The following DIP2C variants were observed in gnomAD, a reference collection of about 807,000 sequenced individuals.
The protein encoded by DIP2C is DIP2 acetate--CoA ligase C (putative).
A neutral mutation model predicts 192.4 loss-of-function variants in DIP2C; 33 were observed. The ratio of observed to expected loss-of-function variants is 0.17; its 90% CI spans 0.13 to 0.23. The LOEUF (loss-of-function observed/expected upper bound fraction) is 0.23, where lower values mean the gene tolerates loss of function less well. Ranked by LOEUF, DIP2C falls within the 10% of genes least tolerant of loss-of-function variation. The probability of loss-of-function intolerance (pLI) is 1.00; values close to 1 mark genes in which losing one functional copy is unlikely to be tolerated. For missense variants in DIP2C, 1,537 were observed against 2,110.1 expected (o/e 0.73, Z 5.32); for synonymous variants, 979 against 864.1 (o/e 1.13, Z -2.33).
chr10:437,305 CCTGAGCT>C (rs1197249188), intron 4 of DIP2C, among the ~76,000 whole-genome samples: 12 of 148,148 alleles, frequency 8.1e-5, no homozygotes, highest in Non-Finnish European at 1.6e-4. Context: ...TCCACCCACA[CCTGAGCT>C]CTGAGCTCCA....
intron 19 of DIP2C, among the ~76,000 whole-genome samples, chr10:365,560 A>G (rs755617815): frequency 6.6e-6 from 1 of 152,216 alleles, no homozygotes; most frequent in East Asian, 1.9e-4. Flanking sequence ...AGTTCTAAAC[A>G]TTTAGGAAAT....
chr10:608,917 T>C (rs1852867664), intron 1 of DIP2C, among the ~76,000 whole-genome samples: 1 of 151,452 alleles, frequency 6.6e-6, no homozygotes, highest in African/African-American at 2.4e-5. Context: ...TTACAGTGAT[T>C]TGACTAATAT....
intron 8 of DIP2C, among the ~76,000 whole-genome samples, chr10:409,327 A>T (rs888346501): frequency 1.6e-4 from 25 of 152,268 alleles, no homozygotes; most frequent in African/African-American, 5.8e-4. Context: ...GGGGGCGCGG[A>T]CAGTGCACAC....
intron 1 of DIP2C, among the ~76,000 whole-genome samples, chr10:514,983 T>G (rs181512888): frequency 6.6e-6 from 1 of 152,182 alleles, no homozygotes; most frequent in Non-Finnish European, 1.5e-5. Context: ...CTAAAAACAA[T>G]TTTTACGTCC....
At chr10:358,021 C>T in intron 22 of DIP2C, 84 bp from the exon 23 acceptor site, 1 of 1,013,330 alleles carries the variant, frequency 9.9e-7, no homozygotes, top group Non-Finnish European at 1.5e-6. Flanking sequence ...AAAGACCTTA[C>T]TCTCGGAAAA....
intron 1 of DIP2C, among the ~76,000 whole-genome samples, chr10:489,872 T>C (rs2133577888): frequency 1.4e-5 from 1 of 71,052 alleles, no homozygotes; most frequent in East Asian, 4.4e-4. Context: ...GCCCGGGGCT[T>C]CCTCCATTTC....
chr10:597,372 G>C (rs1037563901), intron 1 of DIP2C, among the ~76,000 whole-genome samples: 1 of 152,082 alleles, frequency 6.6e-6, no homozygotes, highest in African/African-American at 2.4e-5. Flanking sequence ...GGCTGGCTCT[G>C]TCTCTCTGGA....
At chr10:644,263 AG>A (rs1855345710) in intron 1 of DIP2C, among the ~76,000 whole-genome samples, 1 of 152,214 alleles carries the variant, frequency 6.6e-6, no homozygotes, top group Non-Finnish European at 1.5e-5. Flanking sequence ...AGGCTGCAGG[AG>A]GCTTGCAGAG....
At chr10:488,437 G>A (rs1035589326) in intron 1 of DIP2C, among the ~76,000 whole-genome samples, 1 of 152,172 alleles carries the variant, frequency 6.6e-6, no homozygotes, top group African/African-American at 2.4e-5. Flanking sequence ...AGGCACAAAT[G>A]GTACTCACGT....
At chr10:499,167 G>A (rs1246378203) in intron 1 of DIP2C, among the ~76,000 whole-genome samples, 13 of 152,172 alleles carry the variant, frequency 8.5e-5, no homozygotes, top group Non-Finnish European at 1.9e-4. Flanking sequence ...CACCACACGC[G>A]ATGCTGACTG....
intron 31 of DIP2C, among the ~76,000 whole-genome samples, chr10:325,201 C>T (rs892126394): frequency 3.9e-5 from 6 of 151,962 alleles, no homozygotes; most frequent in African/African-American, 1.5e-4. Context: ...GCAGGTGGAG[C>T]TTGCAGTGAG....
At chr10:402,803 T>C (rs1377220501) in intron 9 of DIP2C, among the ~76,000 whole-genome samples, 1 of 14,072 alleles carries the variant, frequency 7.1e-5, no homozygotes, top group African/African-American at 7.6e-5. Context: ...TGATTTTACA[T>C]GTGTGGTAGC....
intron 1 of DIP2C, among the ~76,000 whole-genome samples, chr10:626,097 C>T (rs1854183120): frequency 6.6e-6 from 1 of 152,210 alleles, no homozygotes; most frequent in African/African-American, 2.4e-5. Context: ...AAGCAAGATC[C>T]ACTTCGTCCA....
intron 1 of DIP2C, among the ~76,000 whole-genome samples, chr10:578,119 C>T (rs904782371): frequency 1.3e-5 from 2 of 152,176 alleles, no homozygotes; most frequent in South Asian, 2.1e-4. Flanking sequence ...CCTGTTTACT[C>T]GAAAGCTCTC....
At chr10:283,683 G>A (rs1015890949) in intron 34 of DIP2C, among the ~76,000 whole-genome samples, 1 of 152,100 alleles carries the variant, frequency 6.6e-6, no homozygotes, top group Non-Finnish European at 1.5e-5. Context: ...CATCCCTATG[G>A]GGAACTGAAT....
At chr10:279,171 C>T (rs888939645) in intron 36 of DIP2C, among the ~76,000 whole-genome samples, 2 of 152,196 alleles carry the variant, frequency 1.3e-5, no homozygotes, top group Non-Finnish European at 2.9e-5. Context: ...ATGCTAAGAG[C>T]TGTTTCCCAG....
rs540293008 is a variant in DIP2C, at chr10:450,996, G to A, written c.269-10000C>T. Among the ~76,000 whole-genome samples the A allele has an allele frequency of 2.8e-4, 43 of 152,196 alleles. 1 individual carries two copies. In the South Asian group the frequency reaches 8.3e-3, roughly 29 times the overall value. The stretch of plus-strand genomic sequence containing the variant: ...AATATACTGTCTATGCCTCAATAAC[G>A]GCATCGTCTAAATTCAGCCTGTGAG... On this transcript the variant is annotated intron_variant, in intron 3 of 36. Transcript: ENST00000280886.
intron 29 of DIP2C, 117 bp downstream of exon 29, chr10:341,082 C>T: frequency 6.9e-7 from 1 of 1,440,242 alleles, no homozygotes; most frequent in East Asian, 2.3e-5. Flanking sequence ...AGCCCCAGGC[C>T]TCCTCTGGCA....
chr10:578,909 C>T (rs528034520), intron 1 of DIP2C, among the ~76,000 whole-genome samples: 290 of 148,818 alleles, frequency 1.9e-3, no homozygotes, highest in Non-Finnish European at 3.0e-3. Flanking sequence ...TCCAGATCCA[C>T]AGTGTGTGCA....
Sources: allele counts gnomAD v4.1 joint callset (sites outside exome capture counted in the v4.1 genomes callset), GRCh38; gene constraint gnomAD v4.1.1; transcripts MANE v1.5; gene names NCBI Gene and HGNC (gene_info 2026-07-23, HGNC 2026-07-21).